Variants in SLC12A8 observed in about 807,000 individuals in gnomAD.
The protein encoded by SLC12A8 is cation-chloride cotransporter 9.
SLC12A8 carries 69 observed loss-of-function variants against 75.6 expected under a neutral mutation model. The ratio of observed to expected loss-of-function variants is 0.91; its 90% confidence interval spans 0.75 to 1.11. The LOEUF is 1.11. SLC12A8 is among the 50% of genes most tolerant of loss of function. The pLI, the probability that SLC12A8 is intolerant of heterozygous loss-of-function variation, is 0.00. For missense variants in SLC12A8, 877 were observed against 896.7 expected, an observed-to-expected ratio of 0.98 and a Z score of 0.28; for synonymous variants, 365 against 372.8, an observed-to-expected ratio of 0.98 and a Z score of 0.24.
Position 125,083,360 on chromosome 3 carries a change from G to C in SLC12A8, c.*530C>G, listed in dbSNP as rs536312049. On this transcript the variant is annotated 3_prime_UTR_variant, in exon 14 of 14. Transcript: ENST00000469902. ...TAGCACCATTCCTGATGTCACCCTG[G>C]GTGAGACGTGGTCCTCAGAATCCAG... The C allele has an allele frequency of 1.3e-5, 2 of 158,452 alleles. 1 individual carries two copies. Among genetic ancestry groups the C allele is most frequent in the African/African-American group, 4.8e-5 (2 of 41,538 alleles). The allele number at this position is 158,452 out of a possible 1,614,324, so 9.8% of individuals were successfully genotyped here.
At chr3:125,188,649 G>A (rs918318428) in intron 3 of SLC12A8, among the ~76,000 whole-genome samples, 1 of 152,242 alleles carries the variant, frequency 6.6e-6, no homozygotes, top group African/African-American at 2.4e-5. Context: ...AAGCAAGGAA[G>A]ACTCCTGATA....
intron 5 of SLC12A8, among the ~76,000 whole-genome samples, chr3:125,172,057 T>A (rs917101632): frequency 1.1e-3 from 174 of 152,218 alleles, no homozygotes; most frequent in African/African-American, 4.1e-3. Flanking sequence ...GCGGATCACC[T>A]GAGTTCAGGA....
intron 5 of SLC12A8, among the ~76,000 whole-genome samples, chr3:125,177,002 G>T (rs1266815424): frequency 1.3e-5 from 2 of 151,762 alleles, no homozygotes; most frequent in African/African-American, 4.8e-5. Flanking sequence ...TATAAATCAT[G>T]CTGCTATAAA....
At chr3:125,166,712 T>C (rs1207289764) in intron 5 of SLC12A8, among the ~76,000 whole-genome samples, 1 of 152,212 alleles carries the variant, frequency 6.6e-6, no homozygotes, top group Non-Finnish European at 1.5e-5. Flanking sequence ...ACAGTTAAAA[T>C]GAATGAAATG....
intron 5 of SLC12A8, among the ~76,000 whole-genome samples, chr3:125,150,458 T>C (rs181938846): frequency 5.3e-5 from 8 of 152,336 alleles, no homozygotes; most frequent in Admixed American, 2.6e-4. Context: ...AAATCCCATA[T>C]ACGTAGTAGT....
intron 10 of SLC12A8, among the ~76,000 whole-genome samples, chr3:125,100,892 A>G (rs1247333248): frequency 2.0e-5 from 3 of 149,106 alleles, no homozygotes; most frequent in Admixed American, 6.6e-5. Context: ...GGGCGCCTGT[A>G]GTCCCAGCTA....
chr3:125,131,697 T>C (rs1395808592), intron 6 of SLC12A8, among the ~76,000 whole-genome samples: 1 of 152,136 alleles, frequency 6.6e-6, no homozygotes, highest in East Asian at 1.9e-4. Context: ...CCAAGAATTT[T>C]AGTAACAGCA....
At chr3:125,150,772 T>G (rs1383735104) in intron 5 of SLC12A8, among the ~76,000 whole-genome samples, 1 of 152,156 alleles carries the variant, frequency 6.6e-6, no homozygotes, top group Non-Finnish European at 1.5e-5. Flanking sequence ...TTTGGACTAC[T>G]GCATCAAAAA....
At chr3:125,210,814 A>G (rs753205159) in intron 2 of SLC12A8, among the ~76,000 whole-genome samples, 1 of 152,198 alleles carries the variant, frequency 6.6e-6, no homozygotes. Context: ...AGCCACTTCA[A>G]TTCCATATCT....
chr3:125,084,293 T>C (rs1015816092), intron 13 of SLC12A8, among the ~76,000 whole-genome samples: 1 of 151,956 alleles, frequency 6.6e-6, no homozygotes, highest in Non-Finnish European at 1.5e-5. Context: ...AGTAGAAAAG[T>C]ATAAAGCTGT....
intron 2 of SLC12A8, among the ~76,000 whole-genome samples, chr3:125,208,791 C>CACACACACAGAG (rs1368605617): frequency 1.7e-4 from 14 of 84,180 alleles, no homozygotes; most frequent in Non-Finnish European, 2.8e-4. Context: ...CACACACACA[C>CACACACACAGAG]AGAGAGAGAG....
chr3:125,208,785 C>CAGAGAGAGAG (rs1560087653), intron 2 of SLC12A8, among the ~76,000 whole-genome samples: 23 of 98,580 alleles, frequency 2.3e-4, no homozygotes, highest in Middle Eastern at 4.9e-3. Context: ...CACACACACA[C>CAGAGAGAGAG]ACACACAGAG....
At chr3:125,092,452 A>G (rs1938607605) in intron 10 of SLC12A8, among the ~76,000 whole-genome samples, 1 of 152,142 alleles carries the variant, frequency 6.6e-6, no homozygotes, top group Admixed American at 6.5e-5. Context: ...CTGTCCAGAT[A>G]TGTCATCTGG....
At chr3:125,148,877 G>A (rs1933849925) in intron 5 of SLC12A8, among the ~76,000 whole-genome samples, 1 of 152,224 alleles carries the variant, frequency 6.6e-6, no homozygotes, top group African/African-American at 2.4e-5. Context: ...TGCCTTCAGG[G>A]ACGCTTCTAC....
chr3:125,181,944 T>C (rs1934673006), intron 4 of SLC12A8, among the ~76,000 whole-genome samples: 1 of 152,162 alleles, frequency 6.6e-6, no homozygotes, highest in Admixed American at 6.5e-5. Context: ...CTCTGCACTT[T>C]GGGAGACCAA....
intron 10 of SLC12A8, among the ~76,000 whole-genome samples, chr3:125,104,221 T>A (rs1177099540): frequency 6.6e-6 from 1 of 152,160 alleles, no homozygotes; most frequent in Non-Finnish European, 1.5e-5. Flanking sequence ...TCCCCCCACC[T>A]CAGCCTCTGG....
At chr3:125,146,774 G>T (rs921148853) in intron 5 of SLC12A8, among the ~76,000 whole-genome samples, 3 of 152,184 alleles carry the variant, frequency 2.0e-5, no homozygotes, top group Non-Finnish European at 4.4e-5. Flanking sequence ...CGACTAGCTG[G>T]GACTACAGGC....
chr3:125,105,985 G>T (rs968292473), intron 10 of SLC12A8, among the ~76,000 whole-genome samples: 1 of 152,100 alleles, frequency 6.6e-6, no homozygotes, highest in African/African-American at 2.4e-5. Flanking sequence ...AGCTGAGATC[G>T]CACCAAATCC....
Position 125,177,773 on chromosome 3 carries a change from C to G in SLC12A8, c.592G>C (p.Val198Leu), listed in dbSNP as rs1261250958. Reference sequence around the variant, plus strand: ...TCCAGGTGGGTGAAAGAACCCACCACAAAGTCCAGTGTGGACACGGCCAGC... The same window carrying G: ...TCCAGGTGGGTGAAAGAACCCACCAGAAAGTCCAGTGTGGACACGGCCAGC... The part of the protein sequence containing the change: ...FLLAVSTLDF[V>L]VGSFTHLDPE... The change falls in exon 5 of 14, where the codon GTG (valine) becomes CTG (leucine). Residue 198 changes from valine to leucine, a missense_variant. Coordinates refer to ENST00000469902, the MANE Select transcript of SLC12A8 (RefSeq NM_024628.6). 3 of 1,614,068 alleles carry G rather than the reference C, an allele frequency of 1.9e-6. No homozygotes were observed. Among genetic ancestry groups the G allele is most frequent in the East Asian group, 4.5e-5 (2 of 44,888 alleles).
Sources: allele counts gnomAD v4.1 joint callset (sites outside exome capture counted in the v4.1 genomes callset), GRCh38; gene constraint gnomAD v4.1.1; transcripts MANE v1.5; gene names NCBI Gene and HGNC (gene_info 2026-07-23, HGNC 2026-07-21).